The following GRXCR1 variants were observed in gnomAD, a reference collection of about 807,000 sequenced individuals.
The protein encoded by GRXCR1 is glutaredoxin and cysteine rich domain containing 1, also known as glutaredoxin domain-containing cysteine-rich protein 1.
A neutral mutation model predicts 27.3 loss-of-function variants in GRXCR1; 27 were observed. That is an observed-to-expected ratio of 0.99 (90% CI 0.73 to 1.37). The LOEUF (loss-of-function observed/expected upper bound fraction) is 1.37, where lower values mean the gene tolerates loss of function less well. Ranked by LOEUF, GRXCR1 falls within the 40% of genes most tolerant of loss-of-function variation. The pLI, the probability that GRXCR1 is intolerant of heterozygous loss-of-function variation, is 0.00. For missense variants in GRXCR1, 379 were observed against 354.4 expected (o/e 1.07, Z -0.56); for synonymous variants, 122 against 131.1 (o/e 0.93, Z 0.47).
intron 1 of GRXCR1, among the ~76,000 whole-genome samples, chr4:42,932,605 TATATATATATATATAG>T (rs1397167137): frequency 1.5e-3 from 87 of 57,888 alleles, no homozygotes; most frequent in Non-Finnish European, 2.0e-3. Flanking sequence ...TATATATATA[TATATATATATATATAG>T]AGAGAGAGAG....
chr4:42,921,153 G>T (rs1472153022), intron 1 of GRXCR1, among the ~76,000 whole-genome samples: 3 of 152,002 alleles, frequency 2.0e-5, no homozygotes, highest in African/African-American at 4.8e-5. Flanking sequence ...AATGGGATTT[G>T]TTCTCTTATA....
intron 1 of GRXCR1, among the ~76,000 whole-genome samples, chr4:42,948,261 GAAAGCA>G (rs1747794610): frequency 6.7e-6 from 1 of 149,364 alleles, no homozygotes; most frequent in Non-Finnish European, 1.5e-5. Context: ...TACCTGAAAG[GAAAGCA>G]TATTGCAAGA....
At chr4:43,010,228 C>T (rs1379994840) in intron 2 of GRXCR1, among the ~76,000 whole-genome samples, 3 of 151,936 alleles carry the variant, frequency 2.0e-5, no homozygotes, top group Admixed American at 6.6e-5. Flanking sequence ...ATGGTGAAAC[C>T]CTGCCTCTAC....
chr4:42,926,916 C>T (rs540888567), intron 1 of GRXCR1, among the ~76,000 whole-genome samples: 1 of 152,106 alleles, frequency 6.6e-6, no homozygotes, highest in Non-Finnish European at 1.5e-5. Context: ...TGAGCATCTA[C>T]TAAGTTTTGC....
intron 2 of GRXCR1, among the ~76,000 whole-genome samples, chr4:42,996,610 T>C (rs554493810): frequency 1.2e-4 from 19 of 152,268 alleles, no homozygotes; most frequent in African/African-American, 4.6e-4. Flanking sequence ...GGTCAAGTTT[T>C]TTTTTTCAAA....
At chr4:42,931,554 A>T (rs954882725) in intron 1 of GRXCR1, among the ~76,000 whole-genome samples, 1 of 150,700 alleles carries the variant, frequency 6.6e-6, no homozygotes, top group Admixed American at 6.6e-5. Context: ...TGTGTCTGTG[A>T]TAGCCTCTTT....
At chr4:42,960,007 A>G (rs1230552957) in intron 1 of GRXCR1, among the ~76,000 whole-genome samples, 1 of 151,998 alleles carries the variant, frequency 6.6e-6, no homozygotes, top group Non-Finnish European at 1.5e-5. Flanking sequence ...GATCTCATAC[A>G]TTAGATGACA....
chr4:43,006,445 C>T (rs1483229286), intron 2 of GRXCR1, among the ~76,000 whole-genome samples: 3 of 152,150 alleles, frequency 2.0e-5, no homozygotes, highest in African/African-American at 7.2e-5. Context: ...AGAATACATG[C>T]CTGGAGATAT....
At chr4:42,983,083 G>T (rs1383166564) in intron 2 of GRXCR1, among the ~76,000 whole-genome samples, 10 of 150,844 alleles carry the variant, frequency 6.6e-5, no homozygotes, top group Middle Eastern at 3.2e-3. Flanking sequence ...GTCAATTTTG[G>T]CTTTTGTTGC....
chr4:42,921,234 G>A (rs1167862086), intron 1 of GRXCR1, among the ~76,000 whole-genome samples: 1 of 152,040 alleles, frequency 6.6e-6, no homozygotes, highest in East Asian at 1.9e-4. Context: ...TCATCTACAA[G>A]TAACGGTCCC....
At chr4:42,935,071 T>C (rs888292052) in intron 1 of GRXCR1, among the ~76,000 whole-genome samples, 12 of 151,976 alleles carry the variant, frequency 7.9e-5, no homozygotes, top group African/African-American at 1.9e-4. Flanking sequence ...CCTGAAACTC[T>C]GACTGCTCAG....
intron 1 of GRXCR1, among the ~76,000 whole-genome samples, chr4:42,919,552 G>A (rs976513129): frequency 2.0e-5 from 3 of 152,022 alleles, no homozygotes; most frequent in African/African-American, 7.2e-5. Flanking sequence ...AACAGATTGA[G>A]GTATTTCAGA....
chr4:43,027,035 GT>G (rs1190828133), intron 3 of GRXCR1, among the ~76,000 whole-genome samples: 6 of 152,228 alleles, frequency 3.9e-5, no homozygotes, highest in African/African-American at 1.4e-4. Flanking sequence ...TGGAACAAGT[GT>G]TTAAATTGAA....
intron 2 of GRXCR1, among the ~76,000 whole-genome samples, chr4:42,992,837 T>A (rs1471609852): frequency 6.6e-6 from 1 of 152,178 alleles, no homozygotes; most frequent in Non-Finnish European, 1.5e-5. Context: ...TGGTTTCAAA[T>A]GTTTATAAAA....
At chr4:42,957,590 T>A (rs56882778) in intron 1 of GRXCR1, among the ~76,000 whole-genome samples, 1 of 151,914 alleles carries the variant, frequency 6.6e-6, no homozygotes, top group African/African-American at 2.4e-5. Flanking sequence ...ATTTTGTAGA[T>A]CCTATAGGTG....
At chr4:43,024,579 G>A (rs915931973) in intron 3 of GRXCR1, among the ~76,000 whole-genome samples, 1 of 152,094 alleles carries the variant, frequency 6.6e-6, no homozygotes, top group African/African-American at 2.4e-5. Flanking sequence ...TAAGAATCAG[G>A]CTCCTATATC....
At chr4:43,016,633 TTGTGTGTGTG>T (rs34018617) in intron 2 of GRXCR1, among the ~76,000 whole-genome samples, 5 of 149,950 alleles carry the variant, frequency 3.3e-5, no homozygotes, top group Admixed American at 2.7e-4. Flanking sequence ...AGTTGTGTGT[TTGTGTGTGTG>T]TGTGTGTGTG....
intron 2 of GRXCR1, among the ~76,000 whole-genome samples, chr4:42,980,105 C>T (rs1003651255): frequency 1.3e-5 from 2 of 151,690 alleles, no homozygotes; most frequent in African/African-American, 4.8e-5. Context: ...TAAACCAACT[C>T]AGTTTTGTTG....
intron 2 of GRXCR1, among the ~76,000 whole-genome samples, chr4:43,002,724 C>A (rs778795432): frequency 1.3e-5 from 2 of 152,058 alleles, no homozygotes; most frequent in East Asian, 1.9e-4. Flanking sequence ...CTTTTTCCTT[C>A]TTCCTGTACC....
Sources: gnomAD v4.1 joint callset for allele counts (sites outside exome capture counted in the v4.1 genomes callset) on GRCh38, gnomAD v4.1.1 for gene constraint, MANE v1.5 for transcripts, NCBI Gene and HGNC (gene_info 2026-07-23, HGNC 2026-07-21) for gene names.